Variants in IFT122 observed in about 807,000 individuals in gnomAD.
IFT122 encodes intraflagellar transport 122.
In IFT122, 118 loss-of-function variants were observed where a neutral mutation model predicts 161.6. The observed-to-expected ratio is 0.73, with a 90% confidence interval of 0.63 to 0.85. The LOEUF is 0.85. Ranked by LOEUF, IFT122 falls within the 40% of genes least tolerant of loss-of-function variation. The probability of loss-of-function intolerance (pLI) is 0.00; values close to 1 mark genes in which losing one functional copy is unlikely to be tolerated. For synonymous variants in IFT122, 550 were observed against 602.4 expected, an observed-to-expected ratio of 0.91 and a Z score of 1.27; for missense variants, 1,381 against 1,579.6, an observed-to-expected ratio of 0.87 and a Z score of 2.13.
intron 21 of IFT122, among the ~76,000 whole-genome samples, chr3:129,505,501 T>C (rs1412900041): frequency 6.6e-6 from 1 of 152,244 alleles, no homozygotes; most frequent in Non-Finnish European, 1.5e-5. Flanking sequence ...CACATCAACC[T>C]ATCCATCTGT....
At position 129,519,748 on chromosome 3, in the gene IFT122, G is replaced by A. The variant is rs994690048; in HGVS notation, c.3636+16G>A. ...CTGCTTCCAGGTAGGTGGCCACCCT[G>A]GTAGCTCACATGTGCTTCTCTTGGC... On this transcript the variant is annotated intron_variant, in intron 29 of 29. Coordinates refer to ENST00000348417, the MANE Select transcript of IFT122 (RefSeq NM_052989.3). The A allele has an allele frequency of 6.2e-7, 1 of 1,613,056 alleles. No individual in the cohort carries two copies. The highest frequency in any genetic ancestry group is 8.5e-7 in the Non-Finnish European group (1 of 1,179,990).
chr3:129,517,576 C>T lies in IFT122; in HGVS notation c.3373C>T (p.Leu1125=). ...GAGACCCAAGCGGGATGACAGACAG[C>T]TAGAGATTGCAAACAACAGTATCCA... ...VLRPKRDDRQ[L]EIANNSSQIL... The change falls in exon 27 of 30, where the codon CTA becomes TTA. Residue 1125 remains leucine, a synonymous_variant. Coordinates refer to ENST00000348417, the MANE Select transcript of IFT122 (RefSeq NM_052989.3). 6.2e-7 allele frequency: 1 copy of T among 1,613,644 alleles called. No individual in the cohort carries two copies. Among genetic ancestry groups the T allele is most frequent in the Admixed American group, 1.7e-5 (1 of 60,008 alleles).
intron 1 of IFT122, among the ~76,000 whole-genome samples, chr3:129,448,562 A>G (rs1047136561): frequency 2.6e-5 from 4 of 152,106 alleles, no homozygotes; most frequent in Admixed American, 2.6e-4. Flanking sequence ...TTTACTGTAC[A>G]CGTGGTGACA....
chr3:129,486,227 C>T (rs183200444), intron 15 of IFT122, among the ~76,000 whole-genome samples: 50 of 152,280 alleles, frequency 3.3e-4, no homozygotes, highest in African/African-American at 8.2e-4. Context: ...GTCCCACTCA[C>T]GGGGCAGTCA....
intron 1 of IFT122, among the ~76,000 whole-genome samples, chr3:129,445,733 T>C (rs1333858939): frequency 2.0e-5 from 3 of 152,234 alleles, no homozygotes; most frequent in Non-Finnish European, 4.4e-5. Context: ...ACTTGACCTC[T>C]CTGAGCCATG....
chr3:129,446,620 C>G (rs1379033606), intron 1 of IFT122, among the ~76,000 whole-genome samples: 1 of 152,164 alleles, frequency 6.6e-6, no homozygotes, highest in Non-Finnish European at 1.5e-5. Flanking sequence ...CTGGACCAAA[C>G]CAATGCATTT....
chr3:129,514,758 G>A (rs1160604092), intron 25 of IFT122: 4 of 676,820 alleles, frequency 5.9e-6, no homozygotes, highest in Non-Finnish European at 5.2e-6. Flanking sequence ...CCTGGCGCCC[G>A]CTCACAGCCC....
intron 3 of IFT122, among the ~76,000 whole-genome samples, chr3:129,455,116 C>T (rs943922623): frequency 6.6e-6 from 1 of 152,064 alleles, no homozygotes; most frequent in Non-Finnish European, 1.5e-5. Flanking sequence ...ACACTGAATT[C>T]CAGCTTTGCT....
intron 4 of IFT122, among the ~76,000 whole-genome samples, chr3:129,459,709 CTT>C (rs2076000639): frequency 3.8e-5 from 4 of 105,042 alleles, no homozygotes; most frequent in Non-Finnish European, 7.0e-5. Flanking sequence ...TCCTTCCTTC[CTT>C]CCTTCCTTCC....
At chr3:129,446,231 T>G (rs1395744918) in intron 1 of IFT122, among the ~76,000 whole-genome samples, 1 of 151,874 alleles carries the variant, frequency 6.6e-6, no homozygotes, top group Non-Finnish European at 1.5e-5. Flanking sequence ...GTTTTTTGTT[T>G]TTTTTTTTTC....
chr3:129,450,851 G>C (rs753097027), intron 2 of IFT122, among the ~76,000 whole-genome samples: 1 of 151,438 alleles, frequency 6.6e-6, no homozygotes, highest in Non-Finnish European at 1.5e-5. Context: ...CTCCTGAGTA[G>C]CTGGGACTAC....
intron 23 of IFT122, 51 bp downstream of exon 23, chr3:129,507,813 G>T: frequency 4.4e-6 from 6 of 1,363,790 alleles, no homozygotes; most frequent in South Asian, 1.2e-5. Context: ...CTGAGCTAGG[G>T]GTCCCGGGCA....
At chr3:129,519,226 T>C in intron 28 of IFT122, 40 bp downstream of exon 28, 1 of 1,533,776 alleles carries the variant, frequency 6.5e-7, no homozygotes, top group Non-Finnish European at 9.0e-7. Flanking sequence ...GAGGGCAGCC[T>C]CCATCCCTTC....
chr3:129,490,370 C>G (rs1213004674), intron 16 of IFT122, among the ~76,000 whole-genome samples: 1 of 152,162 alleles, frequency 6.6e-6, no homozygotes, highest in Admixed American at 6.5e-5. Flanking sequence ...GCCATCCCCA[C>G]TAGATGGCAG....
In IFT122 at chr3:129,481,641, G is replaced by A. The variant is rs2078658262; in HGVS notation, c.1600G>A (p.Glu534Lys). Residue 534 changes from glutamate to lysine, a missense_variant, in exon 14 of 30, where the codon GAA becomes AAA. By Grantham distance (56) the Glu-to-Lys change is moderately conservative. Around this residue, in one of 7 missense-constraint regions of IFT122, gnomAD observed 544 missense variants for 648.0 expected, o/e 0.84. Coordinates refer to ENST00000348417, the MANE Select transcript of IFT122 (RefSeq NM_052989.3). ...CCGTAAGAAGCTGGCCGTGGTAGATGAAAATGACACTTGCCTGGTGTATGA... is the reference window on the plus strand; with the variant it reads ...CCGTAAGAAGCTGGCCGTGGTAGATAAAAATGACACTTGCCTGGTGTATGA... The part of the protein sequence containing the change: ...ASRKKLAVVD[E>K]NDTCLVYDID... 3 of 1,613,658 alleles carry A rather than the reference G, an allele frequency of 1.9e-6. No individual in the cohort carries two copies. The South Asian group carries it at 3.3e-5, about 18-fold the overall frequency.
At chr3:129,450,055 C>T (rs1019376958) in intron 2 of IFT122, 118 bp downstream of exon 2, 4 of 749,168 alleles carry the variant, frequency 5.3e-6, no homozygotes, top group African/African-American at 1.8e-5. Flanking sequence ...GTGGAAAAAC[C>T]TTCCCTATTA....
chr3:129,457,451 A>G (rs1395442100), intron 3 of IFT122, among the ~76,000 whole-genome samples: 1 of 152,082 alleles, frequency 6.6e-6, no homozygotes. Context: ...TCCCTCAGAC[A>G]TGCCAGGCTT....
At chr3:129,501,752 G>A (rs2081581382) in intron 19 of IFT122, among the ~76,000 whole-genome samples, 1 of 152,208 alleles carries the variant, frequency 6.6e-6, no homozygotes, top group Non-Finnish European at 1.5e-5. Context: ...TGATGGGTGG[G>A]AAGGTTTCTA....
chr3:129,493,544 C>T (rs1049133307), intron 17 of IFT122, among the ~76,000 whole-genome samples: 1 of 152,250 alleles, frequency 6.6e-6, no homozygotes, highest in African/African-American at 2.4e-5. Context: ...GCCACATCCC[C>T]ATGGGTCCAT....
Sources: allele counts gnomAD v4.1 joint callset (sites outside exome capture counted in the v4.1 genomes callset), GRCh38; gene constraint gnomAD v4.1.1; regional missense constraint gnomAD v4.1.1; transcripts MANE v1.5; gene names NCBI Gene and HGNC (gene_info 2026-07-23, HGNC 2026-07-21).